AP3B1: variants seen among roughly 807,000 people sequenced by gnomAD.
The protein encoded by AP3B1 is AP-3 complex subunit beta-1.
In AP3B1, 61 loss-of-function variants were observed where a neutral mutation model predicts 132.5. The ratio of observed to expected loss-of-function variants is 0.46; its 90% confidence interval spans 0.37 to 0.57. The LOEUF (loss-of-function observed/expected upper bound fraction) is 0.57. AP3B1 is among the 20% of genes least tolerant of loss of function. The probability of loss-of-function intolerance (pLI) is 0.00; values close to 1 mark genes in which losing one functional copy is unlikely to be tolerated. For missense variants in AP3B1, 1,120 were observed against 1,289.4 expected (o/e 0.87, Z 2.01); for synonymous variants, 388 against 438.3 (o/e 0.89, Z 1.43).
chr5:78,186,342 A>G (rs1324374679), intron 7 of AP3B1, among the ~76,000 whole-genome samples: 1 of 152,242 alleles, frequency 6.6e-6, no homozygotes, highest in Non-Finnish European at 1.5e-5. Flanking sequence ...TGAAGGTTAT[A>G]TACCATATAA....
chr5:78,279,520 A>G (rs1436788549), intron 1 of AP3B1, among the ~76,000 whole-genome samples: 1 of 152,100 alleles, frequency 6.6e-6, no homozygotes, highest in African/African-American at 2.4e-5. Context: ...TGGCAAAGCA[A>G]GGAATTAAAT....
At chr5:78,012,544 C>T (rs1746663860) in intron 26 of AP3B1, among the ~76,000 whole-genome samples, 1 of 152,150 alleles carries the variant, frequency 6.6e-6, no homozygotes, top group African/African-American at 2.4e-5. Flanking sequence ...GCTATAAAAG[C>T]AAATATGAAA....
chr5:78,241,857 T>C (rs1690928320), intron 2 of AP3B1, among the ~76,000 whole-genome samples: 1 of 152,198 alleles, frequency 6.6e-6, no homozygotes, highest in African/African-American at 2.4e-5. Flanking sequence ...ACATTCATGA[T>C]AGAATTTCCT....
At chr5:78,235,530 A>G (rs1341281897) in intron 3 of AP3B1, among the ~76,000 whole-genome samples, 2 of 152,236 alleles carry the variant, frequency 1.3e-5, no homozygotes, top group Non-Finnish European at 2.9e-5. Context: ...TACTTCTGTT[A>G]TAAGAATCAA....
intron 22 of AP3B1, among the ~76,000 whole-genome samples, chr5:78,077,047 G>A (rs1341586436): frequency 6.6e-6 from 1 of 152,050 alleles, no homozygotes; most frequent in African/African-American, 2.4e-5. Flanking sequence ...GAAATCTTGG[G>A]CCAACTTAGT....
At chr5:78,150,618 C>CA (rs1178122006) in intron 14 of AP3B1, among the ~76,000 whole-genome samples, 6 of 152,190 alleles carry the variant, frequency 3.9e-5, no homozygotes, top group African/African-American at 1.4e-4. Context: ...AGGGCATTAC[C>CA]ATATTAACTA....
intron 2 of AP3B1, among the ~76,000 whole-genome samples, chr5:78,251,113 G>C (rs116287719): frequency 0.015 from 2,295 of 152,018 alleles, 62 homozygotes; most frequent in African/African-American, 0.052. Context: ...AGAATCAAAG[G>C]GTTCATTAGT....
intron 2 of AP3B1, among the ~76,000 whole-genome samples, chr5:78,256,650 C>T (rs1747860544): frequency 1.3e-5 from 2 of 152,078 alleles, no homozygotes; most frequent in Admixed American, 1.3e-4. Context: ...GCAGGGAATA[C>T]TTCCAAACTC....
chr5:78,284,464 G>T (rs1749188552), intron 1 of AP3B1, among the ~76,000 whole-genome samples: 1 of 152,108 alleles, frequency 6.6e-6, no homozygotes, highest in Non-Finnish European at 1.5e-5. Context: ...TACCTTAGTT[G>T]TTTACTTTCC....
chr5:78,101,934 C>T (rs559894383), intron 20 of AP3B1, among the ~76,000 whole-genome samples: 86 of 152,128 alleles, frequency 5.7e-4, no homozygotes, highest in African/African-American at 2.0e-3. Context: ...CAATCACAGA[C>T]CAAAACTAAA....
At chr5:78,293,391 C>G (rs182230023) in intron 1 of AP3B1, among the ~76,000 whole-genome samples, 2 of 152,134 alleles carry the variant, frequency 1.3e-5, no homozygotes, top group African/African-American at 4.8e-5. Context: ...TACTTTTAAA[C>G]TTTTCTAACC....
intron 22 of AP3B1, 175 bp downstream of exon 22, chr5:78,089,218 G>T: frequency 1.8e-6 from 1 of 567,402 alleles, no homozygotes; most frequent in Non-Finnish European, 3.2e-6. Flanking sequence ...AAATTGAGAA[G>T]ATAATGGTTT....
intron 5 of AP3B1, 67 bp downstream of exon 5, chr5:78,227,305 C>T: frequency 2.7e-6 from 4 of 1,499,142 alleles, no homozygotes; most frequent in Non-Finnish European, 3.7e-6. Context: ...ATAAAACAAG[C>T]CTCTGTGGTC....
At chr5:78,204,424 A>C (rs1199778759) in intron 7 of AP3B1, among the ~76,000 whole-genome samples, 2 of 152,208 alleles carry the variant, frequency 1.3e-5, no homozygotes, top group Non-Finnish European at 2.9e-5. Context: ...CTTGAAGGTC[A>C]GTCTGACATA....
At chr5:78,015,766 A>C in intron 25 of AP3B1, 1 of 510,036 alleles carries the variant, frequency 2.0e-6, no homozygotes, top group Non-Finnish European at 3.5e-6. Flanking sequence ...AAAATTCAGT[A>C]AAAAATCACT....
intron 21 of AP3B1, among the ~76,000 whole-genome samples, chr5:78,095,161 A>C (rs1428119115): frequency 6.6e-6 from 1 of 152,170 alleles, no homozygotes; most frequent in Admixed American, 6.5e-5. Context: ...GGTAGGGACA[A>C]TATTTTATTC....
chr5:78,174,690 C>T (rs1744071756), intron 11 of AP3B1, among the ~76,000 whole-genome samples: 1 of 152,216 alleles, frequency 6.6e-6, no homozygotes, highest in Admixed American at 6.5e-5. Context: ...CAGGGACTCA[C>T]TTGAGGAGGC....
intron 23 of AP3B1, among the ~76,000 whole-genome samples, chr5:78,035,616 T>C (rs1747779506): frequency 6.6e-6 from 1 of 152,082 alleles, no homozygotes; most frequent in Admixed American, 6.6e-5. Context: ...AGAGTATTTG[T>C]TCAATGCTGA....
At chr5:78,239,609 A>AT (rs1747032105) in intron 3 of AP3B1, among the ~76,000 whole-genome samples, 2 of 135,576 alleles carry the variant, frequency 1.5e-5, no homozygotes, top group South Asian at 4.8e-4. Flanking sequence ...CCCTGTCTCT[A>AT]CAAAAAAAAA....
Sources: allele counts gnomAD v4.1 joint callset (sites outside exome capture counted in the v4.1 genomes callset), GRCh38; gene constraint gnomAD v4.1.1; transcripts MANE v1.5; gene names NCBI Gene and HGNC (gene_info 2026-07-23, HGNC 2026-07-21).